TXNDC16: variants seen among roughly 807,000 people sequenced by gnomAD.
TXNDC16 encodes the protein thioredoxin domain-containing protein 16.
A neutral mutation model predicts 85.6 loss-of-function variants in TXNDC16; 74 were observed. The ratio of observed to expected loss-of-function variants is 0.86; its 90% CI spans 0.72 to 1.05. The LOEUF (loss-of-function observed/expected upper bound fraction) is 1.05. Among genes scored for constraint, TXNDC16 ranks in the 50% least tolerant of loss-of-function variants. The pLI, the probability that TXNDC16 is intolerant of heterozygous loss-of-function variation, is 0.00. For missense variants in TXNDC16, 959 were observed against 947.0 expected (o/e 1.01, Z -0.17); for synonymous variants, 335 against 326.5 (o/e 1.03, Z -0.28).
intron 16 of TXNDC16, among the ~76,000 whole-genome samples, chr14:52,462,139 G>A (rs1210242526): frequency 6.6e-6 from 1 of 152,112 alleles, no homozygotes; most frequent in African/African-American, 2.4e-5. Flanking sequence ...AGATTTTATG[G>A]CTTTTATACA....
Position 52,470,352 on chromosome 14 carries a change from C to T in TXNDC16, c.1481+160G>A, listed in dbSNP as rs1018419933. ...CTCATTAAACAAAATTGCTATCTCC[C>T]GAAAAGTGTTGAAATGTACACAGAC... On this transcript the variant is annotated intron_variant, in intron 15 of 20. Coordinates refer to ENST00000281741, the MANE Select transcript of TXNDC16 (RefSeq NM_020784.3). Among the ~76,000 whole-genome samples, 11 of 152,126 alleles carry T rather than the reference C, an allele frequency of 7.2e-5. No individual in the cohort carries two copies. The South Asian group carries it at 8.3e-4, about 11-fold the overall frequency.
chr14:52,500,954 T>C (rs184977996), intron 9 of TXNDC16, among the ~76,000 whole-genome samples: 4 of 152,340 alleles, frequency 2.6e-5, no homozygotes, highest in Admixed American at 6.5e-5. Context: ...TCTACAAATA[T>C]AAACTGAATC....
At chr14:52,486,732 A>G (rs2036281595) in intron 12 of TXNDC16, among the ~76,000 whole-genome samples, 2 of 152,202 alleles carry the variant, frequency 1.3e-5, no homozygotes, top group Admixed American at 6.5e-5. Context: ...CTGGGCCAGT[A>G]TGGATTACTG....
intron 9 of TXNDC16, among the ~76,000 whole-genome samples, chr14:52,509,013 A>G (rs1333281753): frequency 6.6e-6 from 1 of 152,124 alleles, no homozygotes; most frequent in Admixed American, 6.5e-5. Flanking sequence ...TATGTAACAA[A>G]CCTGCACGTT....
Position 52,432,225 on chromosome 14 carries a change from A to G in TXNDC16, c.*79T>C, listed in dbSNP as rs1331927054. ...GATGGCACTAGTCTGCAAACTTGAA[A>G]TGATTTAATATTATTCTTTAAGGAA... is the stretch of plus-strand genomic sequence containing the variant. On this transcript the variant is annotated 3_prime_UTR_variant, in exon 21 of 21. Transcript: ENST00000281741. The G allele has an allele frequency of 2.3e-6, 3 of 1,312,574 alleles. No homozygotes were observed. The Admixed American group carries it at 7.6e-5, about 33-fold the overall frequency. The allele number at this position is 1,312,574 out of a possible 1,614,324, so 81.3% of individuals were successfully genotyped here.
chr14:52,505,815 T>C (rs967061772), intron 9 of TXNDC16, among the ~76,000 whole-genome samples: 2 of 151,898 alleles, frequency 1.3e-5, no homozygotes, highest in Non-Finnish European at 2.9e-5. Context: ...ACAAAACTGA[T>C]AGACCGCTAG....
intron 16 of TXNDC16, among the ~76,000 whole-genome samples, chr14:52,467,637 A>C (rs747391362): frequency 7.9e-5 from 12 of 152,218 alleles, no homozygotes; most frequent in Non-Finnish European, 1.8e-4. Context: ...GAACCCCTGT[A>C]CACTGTTGGT....
chr14:52,547,610 T>C (rs2037965985), intron 1 of TXNDC16, among the ~76,000 whole-genome samples: 1 of 152,210 alleles, frequency 6.6e-6, no homozygotes. Flanking sequence ...ATTTCAACCG[T>C]AGATTGCTAC....
At chr14:52,500,502 G>C (rs570040433) in intron 9 of TXNDC16, among the ~76,000 whole-genome samples, 72 of 152,298 alleles carry the variant, frequency 4.7e-4, no homozygotes, top group Non-Finnish European at 8.1e-4. Context: ...TAGAGTTTCA[G>C]TCGTGCAATA....
chr14:52,500,363 A>G (rs2036627682), intron 9 of TXNDC16, among the ~76,000 whole-genome samples: 1 of 152,230 alleles, frequency 6.6e-6, no homozygotes, highest in South Asian at 2.1e-4. Flanking sequence ...TGCAAAAACA[A>G]ATATGGCATA....
chr14:52,525,420 G>A lies in TXNDC16; in HGVS notation c.393-6127C>T, dbSNP rs964670293. On this transcript the variant is annotated intron_variant, in intron 6 of 20. Transcript: ENST00000281741. ...AATAAAAATTAGTTGGGCCAGGCAC[G>A]GTGGCTCACACCTGTAATCCCAACA... is the stretch of plus-strand genomic sequence containing the variant. Among the ~76,000 whole-genome samples the A allele has an allele frequency of 1.6e-4, 25 of 151,830 alleles. No individual in the cohort carries two copies. The East Asian group carries it at 3.9e-3, about 24-fold the overall frequency.
At chr14:52,486,578 T>C (rs1266677791) in intron 12 of TXNDC16, among the ~76,000 whole-genome samples, 1 of 152,192 alleles carries the variant, frequency 6.6e-6, no homozygotes, top group East Asian at 1.9e-4. Flanking sequence ...TTTGCTGATT[T>C]TCTCTGGGGT....
Position 52,432,522 on chromosome 14 carries a change from C to A in TXNDC16, c.2260G>T (p.Ala754Ser). Residue 754 changes from alanine (A) to serine (S), a missense_variant, in exon 21 of 21, where the codon GCC becomes TCC. Transcript: ENST00000281741. ...PAYDFLSMID[A>S]ATSQRGTRKV... Reference sequence around the variant, plus strand: ...CTAGTGCCACGTTGAGATGTTGCGGCATCTATCATACTTAGAAAATCATAA... The same window carrying A: ...CTAGTGCCACGTTGAGATGTTGCGGAATCTATCATACTTAGAAAATCATAA... 1 of 1,613,952 alleles carries A rather than the reference C, an allele frequency of 6.2e-7. No homozygotes were observed. Among genetic ancestry groups the A allele is most frequent in the South Asian group, 1.1e-5 (1 of 91,056 alleles).
chr14:52,492,148 G>C (rs1277981764), intron 9 of TXNDC16, among the ~76,000 whole-genome samples: 1 of 152,188 alleles, frequency 6.6e-6, no homozygotes, highest in African/African-American at 2.4e-5. Context: ...TCTAGGAACA[G>C]TTGACAGTGT....
intron 9 of TXNDC16, among the ~76,000 whole-genome samples, chr14:52,491,714 G>A (rs1335557199): frequency 6.6e-6 from 1 of 152,034 alleles, no homozygotes; most frequent in Non-Finnish European, 1.5e-5. Flanking sequence ...AAACAATGAG[G>A]AATATCTGAG....
At chr14:52,432,683 A>T in intron 20 of TXNDC16, 96 bp from the exon 21 acceptor site, 1 of 1,201,190 alleles carries the variant, frequency 8.3e-7, no homozygotes. Flanking sequence ...ATATATTTGT[A>T]GAAGTGAAAG....
intron 16 of TXNDC16, among the ~76,000 whole-genome samples, chr14:52,469,174 C>T (rs2035844717): frequency 6.6e-6 from 1 of 151,326 alleles, no homozygotes; most frequent in African/African-American, 2.4e-5. Context: ...TGGTGAAATC[C>T]TGTCTCTACA....
chr14:52,496,002 GA>G (rs1049122831), intron 9 of TXNDC16, among the ~76,000 whole-genome samples: 1 of 151,168 alleles, frequency 6.6e-6, no homozygotes, highest in Non-Finnish European at 1.5e-5. Flanking sequence ...TACTAAAAAT[GA>G]AAAAAAATTA....
At chr14:52,539,832 C>CT (rs1268508666) in intron 4 of TXNDC16, among the ~76,000 whole-genome samples, 2 of 151,966 alleles carry the variant, frequency 1.3e-5, no homozygotes, top group East Asian at 3.9e-4. Flanking sequence ...TATAATATAT[C>CT]TTTTTTTTCC....
Sources: allele counts gnomAD v4.1 joint callset (sites outside exome capture counted in the v4.1 genomes callset), GRCh38; gene constraint gnomAD v4.1.1; transcripts MANE v1.5; gene names NCBI Gene and HGNC (gene_info 2026-07-23, HGNC 2026-07-21).